The following CNNM1 variants were observed in gnomAD, a reference collection of about 807,000 sequenced individuals.
CNNM1 encodes the protein metal transporter CNNM1.
Under a neutral mutation model 78.8 loss-of-function variants are expected in CNNM1, and 44 were observed. The ratio of observed to expected loss-of-function variants is 0.56; its 90% CI spans 0.44 to 0.72. The LOEUF (loss-of-function observed/expected upper bound fraction) is 0.72, where lower values mean the gene tolerates loss of function less well. CNNM1 is among the 30% of genes least tolerant of loss of function. The pLI, the probability that CNNM1 is intolerant of heterozygous loss-of-function variation, is 0.00. For missense variants in CNNM1, 1,101 were observed against 1,292.2 expected (o/e 0.85, Z 2.27); for synonymous variants, 584 against 581.5 (o/e 1.00, Z -0.06).
At chr10:99,386,780 CT>C (rs2032320056) in intron 7 of CNNM1, among the ~76,000 whole-genome samples, 1 of 152,306 alleles carries the variant, frequency 6.6e-6, no homozygotes, top group Admixed American at 6.5e-5. Context: ...ACCATCCCCT[CT>C]CCTATTTCCA....
At chr10:99,388,997 C>T (rs1180682741) in intron 9 of CNNM1, among the ~76,000 whole-genome samples, 1 of 152,182 alleles carries the variant, frequency 6.6e-6, no homozygotes, top group African/African-American at 2.4e-5. Context: ...ATTCCCCAAG[C>T]TTTCAGTAGC....
chr10:99,386,958 G>A (rs1379516555), intron 7 of CNNM1, among the ~76,000 whole-genome samples: 3 of 152,168 alleles, frequency 2.0e-5, no homozygotes, highest in African/African-American at 4.8e-5. Flanking sequence ...ATTATGCCAT[G>A]TACCATTTCC....
chr10:99,330,564 A>G lies in CNNM1; in HGVS notation c.1177A>G (p.Thr393Ala). 6.2e-7 allele frequency: 1 copy of G among 1,607,060 alleles called. No homozygotes were observed. Among genetic ancestry groups the G allele is most frequent in the Admixed American group, 1.7e-5 (1 of 58,600 alleles). The change falls in exon 1 of 11, where the codon ACG (threonine) becomes GCG (alanine). Residue 393 changes from threonine (T) to alanine (A), a missense_variant. This residue lies in a region of CNNM1 where 277 missense variants were observed against 423.2 expected (regional missense o/e 0.65). Coordinates refer to ENST00000356713, the MANE Select transcript of CNNM1 (RefSeq NM_020348.3). ...GCGCCAGGAGATAAGCACCTTCTAC[A>G]CGCGGGAGAAGTTGCTGGAGACGTT... ...ALRQEISTFY[T>A]REKLLETLRA...
At chr10:99,340,159 G>C (rs1217386077) in intron 1 of CNNM1, among the ~76,000 whole-genome samples, 1 of 152,114 alleles carries the variant, frequency 6.6e-6, no homozygotes, top group African/African-American at 2.4e-5. Context: ...ATAAACTTGT[G>C]GGGTTTTTTT....
chr10:99,362,445 C>T (rs1564950614), intron 4 of CNNM1, 49 bp downstream of exon 4: 1 of 1,564,890 alleles, frequency 6.4e-7, no homozygotes, highest in East Asian at 2.3e-5. Flanking sequence ...AGGGCATCTC[C>T]AGGGTGAAGA....
In CNNM1 at chr10:99,393,498, A is replaced by C. The variant is rs1270363198; in HGVS notation, c.*1982A>C. On this transcript the variant is annotated 3_prime_UTR_variant, in exon 11 of 11. Coordinates refer to ENST00000356713, the MANE Select transcript of CNNM1 (RefSeq NM_020348.3). ...AGGTTCTCAAAGGTCTCAGACCTAC[A>C]AAGAGTTAAAACAAACAGACAAACA... The C allele has an allele frequency of 1.3e-5, 2 of 152,586 alleles. No homozygotes were observed. The highest frequency in any genetic ancestry group is 2.9e-5 in the Non-Finnish European group (2 of 68,042). 9.5% of individuals were successfully genotyped at this position (152,586 alleles called of 1,614,324 possible).
intron 2 of CNNM1, among the ~76,000 whole-genome samples, chr10:99,358,474 C>A (rs1006990856): frequency 6.6e-6 from 1 of 152,194 alleles, no homozygotes; most frequent in Non-Finnish European, 1.5e-5. Context: ...TTCTTCCTTG[C>A]AGATAACTCG....
intron 6 of CNNM1, among the ~76,000 whole-genome samples, chr10:99,373,773 T>C (rs936744796): frequency 6.6e-6 from 1 of 152,238 alleles, no homozygotes; most frequent in African/African-American, 2.4e-5. Context: ...TACATATTAT[T>C]TAGCTCCCAC....
intron 1 of CNNM1, among the ~76,000 whole-genome samples, chr10:99,346,026 C>T (rs1050618898): frequency 3.3e-5 from 5 of 151,788 alleles, no homozygotes; most frequent in African/African-American, 7.3e-5. Context: ...ATGAACAATA[C>T]GTTTTGACAT....
chr10:99,343,267 T>C (rs4288698), intron 1 of CNNM1, among the ~76,000 whole-genome samples: 128,814 of 152,152 alleles, frequency 0.85, 54,712 homozygotes, highest in South Asian at 0.9. Context: ...CCGCCCGGCA[T>C]GTCTTTTATG....
At position 99,387,704 on chromosome 10, in the gene CNNM1, T is replaced by C. The variant is rs2032345062; in HGVS notation, c.2341-116T>C. ...GGCCCCCATTCGTGGATCTCAGGCC[T>C]CAGAGGCCGAGGGTTCCAAGCACCC... On this transcript the variant is annotated intron_variant, in intron 7 of 10. Transcript: ENST00000356713. The C allele has an allele frequency of 8.5e-6, 9 of 1,058,974 alleles. No individual in the cohort carries two copies. In the South Asian group the frequency reaches 1.4e-4, roughly 17 times the overall value. The allele number at this position is 1,058,974 out of a possible 1,614,324, so 65.6% of individuals were successfully genotyped here.
At position 99,329,677 on chromosome 10, in the gene CNNM1, A is replaced by T. The variant is rs1850553036; in HGVS notation, c.290A>T (p.Asn97Ile). The T allele has an allele frequency of 6.4e-7, 1 of 1,556,588 alleles. No homozygotes were observed. The highest frequency in any genetic ancestry group is 2.5e-5 in the East Asian group (1 of 39,970). ...TCACCGACCCTCAACTCGGGGGAGA[A>T]TGGCACCGGCGACTGGGCTCCGCGG... is the stretch of plus-strand genomic sequence containing the variant. ...VPSPTLNSGE[N>I]GTGDWAPRLV... is the part of the protein sequence containing the mutation. Residue 97 changes from asparagine to isoleucine, a missense_variant, in exon 1 of 11, where the codon AAT (asparagine) becomes ATT (isoleucine). Coordinates refer to ENST00000356713, the MANE Select transcript of CNNM1 (RefSeq NM_020348.3).
intron 6 of CNNM1, among the ~76,000 whole-genome samples, chr10:99,366,745 G>A (rs964517367): frequency 2.6e-5 from 4 of 152,094 alleles, no homozygotes; most frequent in African/African-American, 4.8e-5. Flanking sequence ...TCATGCCACC[G>A]TACTCCAGCC....
rs74803036 is a variant in CNNM1, at chr10:99,347,655, A to G, written c.1574-9857A>G. On this transcript the variant is annotated intron_variant, in intron 1 of 10. Coordinates refer to ENST00000356713, the MANE Select transcript of CNNM1 (RefSeq NM_020348.3). Reference sequence around the variant, plus strand: ...GAGAGTAAGACCCAAAGTCCTTACAAAGGCCTTCCTGGCTCTATCACATTG... The same window carrying G: ...GAGAGTAAGACCCAAAGTCCTTACAGAGGCCTTCCTGGCTCTATCACATTG... Among the ~76,000 whole-genome samples, 989 of 151,098 alleles carry G rather than the reference A, an allele frequency of 6.5e-3. 5 individuals are homozygous for G. The highest frequency in any genetic ancestry group is 0.011 in the Admixed American group (166 of 15,092).
chr10:99,374,721 C>T (rs1047823072), intron 6 of CNNM1, among the ~76,000 whole-genome samples: 7 of 152,298 alleles, frequency 4.6e-5, no homozygotes, highest in East Asian at 1.9e-4. Flanking sequence ...GGGACCCTGA[C>T]GTGCTGACTC....
At chr10:99,365,075 C>G (rs541305191) in intron 6 of CNNM1, 73 bp downstream of exon 6, 1 of 1,517,584 alleles carries the variant, frequency 6.6e-7, no homozygotes, top group South Asian at 1.1e-5. Flanking sequence ...GGGACCTGGA[C>G]CGAGCACTTT....
chr10:99,378,516 G>A (rs2032047315), intron 7 of CNNM1, among the ~76,000 whole-genome samples: 1 of 152,194 alleles, frequency 6.6e-6, no homozygotes, highest in Non-Finnish European at 1.5e-5. Context: ...TTTGTGGACA[G>A]CCCTGAGTTA....
intron 1 of CNNM1, among the ~76,000 whole-genome samples, chr10:99,342,973 T>A (rs575193070): frequency 2.0e-5 from 3 of 152,150 alleles, no homozygotes; most frequent in Non-Finnish European, 2.9e-5. Flanking sequence ...TTTCTTTCTT[T>A]CTTTTTTTTG....
At chr10:99,364,781 A>G (rs995546461) in intron 5 of CNNM1, among the ~76,000 whole-genome samples, 174 bp from the exon 6 acceptor site, 7 of 152,220 alleles carry the variant, frequency 4.6e-5, no homozygotes, top group Non-Finnish European at 1.0e-4. Flanking sequence ...GGTAGATTTC[A>G]GTATGAAAAG....
Sources: gnomAD v4.1 joint callset for allele counts (sites outside exome capture counted in the v4.1 genomes callset) on GRCh38, gnomAD v4.1.1 for gene constraint, gnomAD v4.1.1 regional missense constraint, MANE v1.5 for transcripts, NCBI Gene and HGNC (gene_info 2026-07-23, HGNC 2026-07-21) for gene names.